CPXM2: variants seen among roughly 807,000 people sequenced by gnomAD.
CPXM2 encodes the protein inactive carboxypeptidase-like protein X2.
A neutral mutation model predicts 86.1 loss-of-function variants in CPXM2; 66 were observed. The ratio of observed to expected loss-of-function variants is 0.77; its 90% CI spans 0.63 to 0.94. The LOEUF (loss-of-function observed/expected upper bound fraction) is 0.94. Among genes scored for constraint, CPXM2 ranks in the 40% least tolerant of loss-of-function variants. CPXM2 has a pLI of 0.00. For synonymous variants in CPXM2, 388 were observed against 400.2 expected (o/e 0.97, Z 0.36); for missense variants, 948 against 1,026.3 (o/e 0.92, Z 1.04).
At chr10:123,788,719 C>T (rs910062234) in intron 6 of CPXM2, among the ~76,000 whole-genome samples, 1 of 152,190 alleles carries the variant, frequency 6.6e-6, no homozygotes, top group African/African-American at 2.4e-5. Context: ...AGCAGGGAAC[C>T]TGCTCTTCAC....
In CPXM2 at chr10:123,810,457, A is replaced by T. The variant is rs969866009; in HGVS notation, c.654-11258T>A. ...TAGAGAATATTCATTTCTTAAGCATACATACAACATTTATCAAACTATGTA... is the reference window on the plus strand; with the variant it reads ...TAGAGAATATTCATTTCTTAAGCATTCATACAACATTTATCAAACTATGTA... On this transcript the variant is annotated intron_variant, in intron 4 of 13. Transcript: ENST00000241305. 3.3e-5 allele frequency among the ~76,000 whole-genome samples: 5 copies of T among 152,196 alleles called. 1 individual carries two copies. The highest frequency in any genetic ancestry group is 6.5e-5 in the Admixed American group (1 of 15,296).
chr10:123,760,378 T>G (rs866209448), intron 11 of CPXM2, among the ~76,000 whole-genome samples: 2 of 152,250 alleles, frequency 1.3e-5, no homozygotes, highest in Non-Finnish European at 2.9e-5. Context: ...ATTTGCATTT[T>G]TTTTTATTTC....
chr10:123,935,388 G>T (rs1034192880), intron 2 of CPXM2, among the ~76,000 whole-genome samples: 4 of 152,166 alleles, frequency 2.6e-5, no homozygotes, highest in Non-Finnish European at 5.9e-5. Context: ...AACCCACCCT[G>T]GGTGGGGCCA....
chr10:123,912,923 C>T (rs1211241527), intron 2 of CPXM2, among the ~76,000 whole-genome samples: 1 of 152,216 alleles, frequency 6.6e-6, no homozygotes, highest in Non-Finnish European at 1.5e-5. Flanking sequence ...TGTGGATTTA[C>T]CTCTCTTTGT....
At chr10:123,791,158 A>G (rs751480829) in intron 6 of CPXM2, among the ~76,000 whole-genome samples, 4 of 152,166 alleles carry the variant, frequency 2.6e-5, no homozygotes, top group Non-Finnish European at 4.4e-5. Flanking sequence ...TCACACCTGT[A>G]ATCCCAGCAC....
intron 4 of CPXM2, among the ~76,000 whole-genome samples, chr10:123,828,991 C>T (rs1848104781): frequency 6.6e-6 from 1 of 152,044 alleles, no homozygotes; most frequent in African/African-American, 2.4e-5. Context: ...AGACATATAT[C>T]AAAAATCTGC....
In CPXM2 at chr10:123,780,202, C is replaced by G; in HGVS notation, c.943G>C (p.Asp315His). Residue 315 changes from aspartate to histidine, a missense_variant, in exon 7 of 14, where the codon GAT becomes CAT. Physicochemically the swap from Asp to His is moderately conservative, Grantham distance 81. Transcript: ENST00000241305. ...RNEMTTTDDLDFKHHNYKEMR... is the reference protein window; with the variant it reads ...RNEMTTTDDLHFKHHNYKEMR... ...TCCTTATAATTGTGGTGCTTAAAAT[C>G]CAGGTCATCAGTGGTGGTCATCTCG... The G allele has an allele frequency of 6.2e-7, 1 of 1,611,160 alleles. No individual in the cohort carries two copies.
chr10:123,751,111 G>A (rs1846065209), intron 13 of CPXM2: 1 of 954,476 alleles, frequency 1.0e-6, no homozygotes, highest in South Asian at 4.8e-5. Flanking sequence ...AGAGATGGAT[G>A]AAAGAAGTAT....
At chr10:123,869,876 T>C (rs1944862844) in intron 2 of CPXM2, among the ~76,000 whole-genome samples, 1 of 152,214 alleles carries the variant, frequency 6.6e-6, no homozygotes, top group Non-Finnish European at 1.5e-5. Flanking sequence ...CATGGAGGCC[T>C]TTGTGGCCCA....
Position 123,865,031 on chromosome 10 carries a change from T to A in CPXM2, c.404-2308A>T, listed in dbSNP as rs1372477051. ...TCCCGCCGCCAGCAGTGCTGGCAGC[T>A]GCCACATCTAACAGCCATTCTTGTC... On this transcript the variant is annotated intron_variant, in intron 2 of 13. Coordinates refer to ENST00000241305, the MANE Select transcript of CPXM2 (RefSeq NM_198148.3). This position sits in a 1 kb window ranked among gnomAD's most constrained non-coding sequence, Gnocchi z 4.7. Among the ~76,000 whole-genome samples, 1 of 152,196 alleles carries A rather than the reference T, an allele frequency of 6.6e-6. No homozygotes were observed. Among genetic ancestry groups the A allele is most frequent in the Non-Finnish European group, 1.5e-5 (1 of 68,032 alleles).
In CPXM2 at chr10:123,746,696, C is replaced by A. The variant is rs766348900; in HGVS notation, c.*68G>T. ...GAGGAAACAACAGTGAGTGAGTCCA[C>A]TATGGAGCTACTACCAGGTTGGTTT... On this transcript the variant is annotated 3_prime_UTR_variant, in exon 14 of 14. Transcript: ENST00000241305. 6.2e-6 allele frequency: 9 copies of A among 1,450,684 alleles called. No individual in the cohort carries two copies. Among genetic ancestry groups the A allele is most frequent in the Non-Finnish European group, 8.6e-6 (9 of 1,046,868 alleles). 89.9% of individuals were successfully genotyped at this position (1,450,684 alleles called of 1,614,324 possible).
chr10:123,767,758 A>C (rs2134000467), intron 9 of CPXM2, among the ~76,000 whole-genome samples: 1 of 152,324 alleles, frequency 6.6e-6, no homozygotes, highest in African/African-American at 2.4e-5. Context: ...TGCATATTCT[A>C]TGCACACCTA....
At chr10:123,882,867 A>C (rs929501091) in intron 1 of CPXM2, among the ~76,000 whole-genome samples, 3 of 132,288 alleles carry the variant, frequency 2.3e-5, no homozygotes, top group Non-Finnish European at 4.7e-5. Flanking sequence ...GCCAGGCCCC[A>C]CACTACAACA....
intron 13 of CPXM2, chr10:123,750,732 G>T (rs897595173): frequency 1.0e-6 from 1 of 985,288 alleles, no homozygotes; most frequent in Non-Finnish European, 1.2e-6. Flanking sequence ...CAACGATCAG[G>T]ACTGTGTGTG....
chr10:123,927,972 A>T (rs1945638551), intron 2 of CPXM2, among the ~76,000 whole-genome samples: 1 of 152,132 alleles, frequency 6.6e-6, no homozygotes, highest in Admixed American at 6.5e-5. Flanking sequence ...CCTGAGGACT[A>T]ACACACTCAA....
chr10:123,768,821 T>A (rs576708220), intron 8 of CPXM2, 99 bp from the exon 9 acceptor site: 10 of 1,061,862 alleles, frequency 9.4e-6, no homozygotes, highest in African/African-American at 1.6e-5. Context: ...TTGAATAATA[T>A]AAGCTTACCG....
At chr10:123,768,804 G>T in intron 8 of CPXM2, 82 bp from the exon 9 acceptor site, 1 of 1,217,968 alleles carries the variant, frequency 8.2e-7, no homozygotes, top group Non-Finnish European at 1.2e-6. Context: ...GTGTTGGGGG[G>T]AAAGTCTTGA....
chr10:123,800,160 C>G (rs569557929), intron 4 of CPXM2, among the ~76,000 whole-genome samples: 19 of 150,114 alleles, frequency 1.3e-4, no homozygotes, highest in African/African-American at 4.4e-4. Context: ...TGAATTTATA[C>G]TGCCCAGTAG....
rs770208711 is a variant in CPXM2, at chr10:123,754,679, G to C, written c.2001C>G (p.Asn667Lys). ...TGCAGTTACCTGTTCGGATGTCATG[G>C]TTAATGCCTTCTACGGAGATAATGG... ...PNAIISVEGI[N>K]HDIRTANDGD... The change falls in exon 13 of 14, where the codon AAC becomes AAG. Residue 667 changes from asparagine (N) to lysine (K), a missense_variant. Asn to Lys is a moderately conservative substitution (Grantham distance 94, BLOSUM62 0). Coordinates refer to ENST00000241305, the MANE Select transcript of CPXM2 (RefSeq NM_198148.3). This position sits in a 1 kb window ranked among gnomAD's most constrained non-coding sequence, Gnocchi z 4.0. The C allele has an allele frequency of 3.1e-6, 5 of 1,592,076 alleles. No homozygotes were observed. Among genetic ancestry groups the C allele is most frequent in the Non-Finnish European group, 4.3e-6 (5 of 1,159,934 alleles).
Sources: gnomAD v4.1 joint callset for allele counts (sites outside exome capture counted in the v4.1 genomes callset) on GRCh38, gnomAD v4.1.1 for gene constraint, Gnocchi (gnomAD v3.1) non-coding constraint, MANE v1.5 for transcripts, NCBI Gene and HGNC (gene_info 2026-07-23, HGNC 2026-07-21) for gene names.